Variants in CHKA observed in about 807,000 individuals in gnomAD.
The protein encoded by CHKA is choline kinase alpha.
CHKA carries 34 observed loss-of-function variants against 60.1 expected under a neutral mutation model. The ratio of observed to expected loss-of-function variants is 0.57; its 90% CI spans 0.43 to 0.75. The LOEUF (loss-of-function observed/expected upper bound fraction) is 0.75. CHKA is among the 30% of genes least tolerant of loss of function. CHKA has a pLI of 0.00. For missense variants in CHKA, 563 were observed against 561.3 expected, an observed-to-expected ratio of 1.00 and a Z score of -0.03; for synonymous variants, 217 against 223.1, an observed-to-expected ratio of 0.97 and a Z score of 0.24.
chr11:68,082,435 A>C (rs1262667087), intron 2 of CHKA: 1 of 152,640 alleles, frequency 6.6e-6, no homozygotes, highest in Non-Finnish European at 1.5e-5. Context: ...CAGAAAGGAA[A>C]CCTCTTTAAA....
intron 11 of CHKA, among the ~76,000 whole-genome samples, chr11:68,056,381 T>C (rs971390348): frequency 6.6e-6 from 1 of 152,196 alleles, no homozygotes; most frequent in African/African-American, 2.4e-5. Context: ...ATAAGACTCT[T>C]ATTCCAGAGG....
At chr11:68,083,428 C>T (rs757056252) in intron 2 of CHKA, among the ~76,000 whole-genome samples, 1 of 152,064 alleles carries the variant, frequency 6.6e-6, no homozygotes, top group East Asian at 1.9e-4. Context: ...AGCTTTAAGA[C>T]AAATAAGTTA....
At chr11:68,058,142 T>G (rs951123277) in intron 11 of CHKA, among the ~76,000 whole-genome samples, 1 of 152,242 alleles carries the variant, frequency 6.6e-6, no homozygotes, top group African/African-American at 2.4e-5. Context: ...TTCTCCTGCC[T>G]CAGCCTCCCA....
chr11:68,103,807 G>A (rs369730852), intron 1 of CHKA, among the ~76,000 whole-genome samples: 13 of 152,030 alleles, frequency 8.6e-5, no homozygotes, highest in African/African-American at 3.1e-4. Context: ...CCAGCTATTT[G>A]TGAGGAGGAA....
At chr11:68,061,651 T>C (rs1424732738) in intron 11 of CHKA, 1 of 485,700 alleles carries the variant, frequency 2.1e-6, no homozygotes, top group African/African-American at 1.9e-5. Flanking sequence ...AGGGTGCAGA[T>C]GCCTACATTC....
chr11:68,081,305 C>T lies in CHKA; in HGVS notation c.516+99G>A. 3.3e-6 allele frequency: 3 copies of T among 909,876 alleles called. No homozygotes were observed. In the South Asian group the frequency reaches 4.4e-5, roughly 13 times the overall value. The allele number at this position is 909,876 out of a possible 1,614,324, so 56.4% of individuals were successfully genotyped here. On this transcript the variant is annotated intron_variant, in intron 3 of 11. Coordinates refer to ENST00000265689, the MANE Select transcript of CHKA (RefSeq NM_001277.3). ...TCGTAGAAAGATAGATCAGGATTTT[C>T]CAAGGGTAGATAAGAGGCACTGCCA... is the stretch of plus-strand genomic sequence containing the variant.
intron 1 of CHKA, among the ~76,000 whole-genome samples, chr11:68,111,013 GATAATA>G (rs1355185777): frequency 4.0e-5 from 6 of 148,150 alleles, no homozygotes; most frequent in Non-Finnish European, 7.5e-5. Flanking sequence ...AAAAAAAAAT[GATAATA>G]ATAATAAAGT....
rs747437768 is a variant in CHKA, at chr11:68,053,995, C to G, written c.1367G>C (p.Gly456Ala). Reference sequence around the variant, plus strand: ...ATGGAGTCCTCCCCACAGTCACACCCCAAGCTTCCTCTTCTGGTGGAAATA... The same window carrying G: ...ATGGAGTCCTCCCCACAGTCACACCGCAAGCTTCCTCTTCTGGTGGAAATA... ...DAYFHQKRKL[G>A]V Residue 456 changes from glycine (G) to alanine (A), a missense_variant, in exon 12 of 12, where the codon GGG becomes GCG. Transcript: ENST00000265689. The G allele has an allele frequency of 1.9e-6, 3 of 1,613,618 alleles. No homozygotes were observed. The highest frequency in any genetic ancestry group is 2.5e-6 in the Non-Finnish European group (3 of 1,179,822).
intron 1 of CHKA, among the ~76,000 whole-genome samples, chr11:68,108,270 G>A (rs945895060): frequency 3.3e-5 from 5 of 152,054 alleles, no homozygotes; most frequent in African/African-American, 1.2e-4. Flanking sequence ...GTTGAGCTAT[G>A]ATCCCACAAA....
intron 2 of CHKA, among the ~76,000 whole-genome samples, chr11:68,085,786 C>T (rs1474497010): frequency 1.3e-5 from 2 of 152,080 alleles, no homozygotes; most frequent in East Asian, 1.9e-4. Context: ...GTTTTTGAGA[C>T]AGCGTCTCAC....
chr11:68,054,322 C>G (rs1855921129), intron 11 of CHKA, among the ~76,000 whole-genome samples: 1 of 152,236 alleles, frequency 6.6e-6, no homozygotes, highest in Non-Finnish European at 1.5e-5. Flanking sequence ...GGATGAACGT[C>G]TCATCCACAT....
chr11:68,103,506 G>A (rs1189234918), intron 1 of CHKA, among the ~76,000 whole-genome samples: 1 of 152,082 alleles, frequency 6.6e-6, no homozygotes, highest in Non-Finnish European at 1.5e-5. Flanking sequence ...ACACACTGTT[G>A]ATGGCAATGT....
At chr11:68,062,195 A>G (rs563358540) in intron 10 of CHKA, among the ~76,000 whole-genome samples, 161 bp from the exon 11 acceptor site, 123 of 152,332 alleles carry the variant, frequency 8.1e-4, no homozygotes, top group South Asian at 1.7e-3. Context: ...AACTAAGAAC[A>G]ATGGGAATAC....
chr11:68,121,313 G>C lies in CHKA; in HGVS notation c.-136C>G, dbSNP rs2153034917. 2.1e-6 allele frequency: 1 copy of C among 483,410 alleles called. No individual in the cohort carries two copies. The highest frequency in any genetic ancestry group is 2.7e-6 in the Non-Finnish European group (1 of 371,928). The allele number at this position is 483,410 out of a possible 1,614,324, so 29.9% of individuals were successfully genotyped here. A position where few individuals can be genotyped will look rare whatever the true frequency, so the allele number is the denominator to read the frequency against. The stretch of plus-strand genomic sequence containing the variant: ...GGGGCCGCGGCGGTTGGGCGCGCGG[G>C]GCGGCGGCGGCGGCTGCGGCGACTG... On this transcript the variant is annotated 5_prime_UTR_variant, in exon 1 of 12. Coordinates refer to ENST00000265689, the MANE Select transcript of CHKA (RefSeq NM_001277.3).
chr11:68,074,745 G>C lies in CHKA; in HGVS notation c.602C>G (p.Pro201Arg), dbSNP rs1390229693. 1 of 1,614,192 alleles carries C rather than the reference G, an allele frequency of 6.2e-7. No homozygotes were observed. Among genetic ancestry groups the C allele is most frequent in the Non-Finnish European group, 8.5e-7 (1 of 1,180,040 alleles). ...SLGPKLYGIF[P>R]QGRLEQFIPS... ...GATGAACTGCTCCAGTCGGCCTTGGGGAAAGATGCCATAGAGTTTTGGCCC... is the reference window on the plus strand; with the variant it reads ...GATGAACTGCTCCAGTCGGCCTTGGCGAAAGATGCCATAGAGTTTTGGCCC... Residue 201 changes from proline to arginine, a missense_variant, in exon 4 of 12, where the codon CCC becomes CGC. Physicochemically the swap from Pro to Arg is moderately radical, Grantham distance 103 (BLOSUM62 -2). Coordinates refer to ENST00000265689, the MANE Select transcript of CHKA (RefSeq NM_001277.3).
rs988811206 is a variant in CHKA, at chr11:68,081,659, T to C, written c.463-202A>G. Reference sequence around the variant, plus strand: ...ACCAACACCTTAGAAAGTGCTTCATTGCTTTACGAGAAAAGGGATGTGCCG... The same window carrying C: ...ACCAACACCTTAGAAAGTGCTTCATCGCTTTACGAGAAAAGGGATGTGCCG... On this transcript the variant is annotated intron_variant, in intron 2 of 11. Coordinates refer to ENST00000265689, the MANE Select transcript of CHKA (RefSeq NM_001277.3). 9.8e-6 allele frequency: 5 copies of C among 511,532 alleles called. No homozygotes were observed. In the South Asian group the frequency reaches 9.9e-5, roughly 10 times the overall value. The allele number at this position is 511,532 out of a possible 1,614,324, so 31.7% of individuals were successfully genotyped here. A position where few individuals can be genotyped will look rare whatever the true frequency, so the allele number is the denominator to read the frequency against.
At chr11:68,102,817 G>C (rs1391441282) in intron 1 of CHKA, among the ~76,000 whole-genome samples, 3 of 152,044 alleles carry the variant, frequency 2.0e-5, no homozygotes, top group Non-Finnish European at 4.4e-5. Context: ...GGATAATATA[G>C]AAAATATACA....
chr11:68,060,171 G>T (rs1400115298), intron 11 of CHKA, among the ~76,000 whole-genome samples: 1 of 151,758 alleles, frequency 6.6e-6, no homozygotes, highest in East Asian at 1.9e-4. Context: ...GGGACTACAG[G>T]CACCCACCAA....
chr11:68,061,869 T>C, intron 11 of CHKA, 84 bp downstream of exon 11: 1 of 975,032 alleles, frequency 1.0e-6, no homozygotes, highest in Admixed American at 2.2e-5. Flanking sequence ...GAACAGTCAT[T>C]TGCTGCCAAC....
Sources: allele counts gnomAD v4.1 joint callset (sites outside exome capture counted in the v4.1 genomes callset), GRCh38; gene constraint gnomAD v4.1.1; transcripts MANE v1.5; gene names NCBI Gene and HGNC (gene_info 2026-07-23, HGNC 2026-07-21).